THOC7: variants seen among roughly 807,000 people sequenced by gnomAD.
The protein encoded by THOC7 is NIF3L1-binding protein 1.
Under a neutral mutation model 33.1 loss-of-function variants are expected in THOC7, and 22 were observed. The observed-to-expected ratio is 0.66, with a 90% CI of 0.47 to 0.95. The LOEUF is 0.95. THOC7 is among the 40% of genes least tolerant of loss of function. The probability of loss-of-function intolerance (pLI) is 0.00; values close to 1 mark genes in which losing one functional copy is unlikely to be tolerated. For synonymous variants in THOC7, 77 were observed against 76.8 expected (o/e 1.00, Z -0.01); for missense variants, 184 against 245.3 (o/e 0.75, Z 1.67).
chr3:63,836,252 C>CA lies in THOC7; in HGVS notation c.410+48dup, dbSNP rs762095801. On this transcript the variant is annotated intron_variant, in intron 5 of 7. Coordinates refer to ENST00000295899, the MANE Select transcript of THOC7 (RefSeq NM_025075.4). ...TGAAATGCCTACGGTAGTTTTCGAG[C>CA]ATTTATGTATAAAGGTTAGTTCCTT... 7 of 1,559,782 alleles carry CA rather than the reference C, an allele frequency of 4.5e-6. No homozygotes were observed. In the South Asian group the frequency reaches 8.4e-5, roughly 19 times the overall value.
Position 63,861,999 on chromosome 3 carries a change from C to T in THOC7, c.19+1773G>A, listed in dbSNP as rs766987563. 1.2e-4 allele frequency among the ~76,000 whole-genome samples: 18 copies of T among 152,186 alleles called. No individual in the cohort carries two copies. In the South Asian group the frequency reaches 2.3e-3, roughly 19 times the overall value. On this transcript the variant is annotated intron_variant, in intron 1 of 7. Transcript: ENST00000295899. ...AGACATGGGGTCTCACTATGTTTTC[C>T]AGGCTGGTCTTGAACTTCTGAGCTC... is the stretch of plus-strand genomic sequence containing the variant.
At chr3:63,848,683 A>C (rs958025666) in intron 1 of THOC7, 1 of 152,196 alleles carries the variant, frequency 6.6e-6, no homozygotes, top group East Asian at 1.9e-4. Context: ...TGGGTTTGTA[A>C]AACTGCTAAC....
intron 1 of THOC7, among the ~76,000 whole-genome samples, chr3:63,847,222 G>A (rs1248294794): frequency 6.6e-6 from 1 of 152,170 alleles, no homozygotes. Flanking sequence ...AATCTGGTAT[G>A]TATTGGTATA....
chr3:63,845,194 C>T (rs1312697261), intron 1 of THOC7: 2 of 481,852 alleles, frequency 4.2e-6, no homozygotes, highest in Admixed American at 6.7e-5. Flanking sequence ...TTTAAGCTCG[C>T]TGATATCTTT....
chr3:63,840,704 A>G (rs1359567912), intron 1 of THOC7, among the ~76,000 whole-genome samples: 1 of 152,222 alleles, frequency 6.6e-6, no homozygotes, highest in East Asian at 1.9e-4. Flanking sequence ...CCTGGACAAA[A>G]TGATGCTGGA....
At chr3:63,860,869 G>A (rs1051842914) in intron 1 of THOC7, 1 of 152,150 alleles carries the variant, frequency 6.6e-6, no homozygotes. Context: ...AATATGGCTA[G>A]TAGGCAGAAG....
At chr3:63,853,971 T>A (rs892242971) in intron 1 of THOC7, among the ~76,000 whole-genome samples, 4 of 152,230 alleles carry the variant, frequency 2.6e-5, no homozygotes, top group Non-Finnish European at 5.9e-5. Context: ...GAGTAAATGT[T>A]GAAGATTTAT....
chr3:63,859,941 A>C (rs980012196), intron 1 of THOC7, among the ~76,000 whole-genome samples: 2 of 152,190 alleles, frequency 1.3e-5, no homozygotes, highest in African/African-American at 4.8e-5. Context: ...AGAGCTACCC[A>C]CTACCCACCT....
At position 63,839,761 on chromosome 3, in the gene THOC7, C is replaced by T. The variant is rs1701718940; in HGVS notation, c.32G>A (p.Arg11Gln). The T allele has an allele frequency of 1.2e-6, 2 of 1,613,152 alleles. No individual in the cohort carries two copies. Among genetic ancestry groups the T allele is most frequent in the Non-Finnish European group, 1.7e-6 (2 of 1,179,864 alleles). The change falls in exon 2 of 8, where the codon CGG becomes CAG. Residue 11 changes from arginine to glutamine, a missense_variant. This residue lies in a region of THOC7 where 157 missense variants were observed against 201.3 expected (regional missense o/e 0.78). Coordinates refer to ENST00000295899, the MANE Select transcript of THOC7 (RefSeq NM_025075.4). ...ATCTCCATCAATGAGGAGACGCTTC[C>T]GTATAACTTCGTCTGCAGGAAAGAA... MGAVTDDEVI[R>Q]KRLLIDGDGA... is the part of the protein sequence containing the mutation.
intron 5 of THOC7, 23 bp downstream of exon 5, chr3:63,836,278 T>C: frequency 1.2e-6 from 2 of 1,606,966 alleles, no homozygotes; most frequent in Non-Finnish European, 1.7e-6. Context: ...TTAGTTCCTT[T>C]CAAAGTAAAG....
chr3:63,837,867 T>C, intron 4 of THOC7, 109 bp downstream of exon 4: 1 of 899,858 alleles, frequency 1.1e-6, no homozygotes, highest in Non-Finnish European at 1.6e-6. Flanking sequence ...GGATTTTTTT[T>C]AATCCAGGTT....
In THOC7 at chr3:63,863,766, C is replaced by A; in HGVS notation, c.19+6G>T. 8.0e-7 allele frequency: 1 copy of A among 1,252,292 alleles called. No homozygotes were observed. Among genetic ancestry groups the A allele is most frequent in the Non-Finnish European group, 9.9e-7 (1 of 1,005,842 alleles). 77.6% of individuals were successfully genotyped at this position (1,252,292 alleles called of 1,614,324 possible). On this transcript the variant is annotated splice_donor_region_variant and intron_variant, in intron 1 of 7. Coordinates refer to ENST00000295899, the MANE Select transcript of THOC7 (RefSeq NM_025075.4). ...CGGGCGCGTGTGGCGGCGAGCGGGG[C>A]CTCACCGTCAGTCACGGCTCCCATG... is the stretch of plus-strand genomic sequence containing the variant.
chr3:63,842,500 A>G (rs1701787529), intron 1 of THOC7, among the ~76,000 whole-genome samples: 1 of 152,216 alleles, frequency 6.6e-6, no homozygotes, highest in Non-Finnish European at 1.5e-5. Context: ...TCTATACACC[A>G]TGGAATACTA....
chr3:63,846,250 G>A (rs1364679778), intron 1 of THOC7: 4 of 446,792 alleles, frequency 9.0e-6, no homozygotes, highest in South Asian at 1.6e-5. Context: ...TTCCTTATAA[G>A]AGAATCGTCT....
intron 1 of THOC7, among the ~76,000 whole-genome samples, chr3:63,847,747 C>CA (rs1388230010): frequency 2.0e-5 from 3 of 151,622 alleles, no homozygotes; most frequent in African/African-American, 4.8e-5. Context: ...AAAAAACAAA[C>CA]AAAAAAAACA....
chr3:63,838,485 T>TATATGCTGAGCTATATCTAATGTAGCCA lies in THOC7; in HGVS notation c.151_152insTGGCTACATTAGATATAGCTCAGCATAT (p.Gln51LeufsTer20). 1 of 1,602,816 alleles carries TATATGCTGAGCTATATCTAATGTAGCCA rather than the reference T, an allele frequency of 6.2e-7. No homozygotes were observed. The highest frequency in any genetic ancestry group is 8.5e-7 in the Non-Finnish European group (1 of 1,177,226). On this transcript the variant is annotated frameshift_variant, in exon 3 of 8. Coordinates refer to ENST00000295899, the MANE Select transcript of THOC7 (RefSeq NM_025075.4). LOFTEE classifies it high-confidence loss of function. ...TTGAGACAGCGTGCTCAGCATACGTTGGTACTGGCTATATCTAATGAAAAA... is the reference window on the plus strand; with the variant it reads ...TTGAGACAGCGTGCTCAGCATACGTTATATGCTGAGCTATATCTAATGTAGCCAGGTACTGGCTATATCTAATGAAAAA...
At chr3:63,862,545 A>C (rs1422775026) in intron 1 of THOC7, among the ~76,000 whole-genome samples, 1 of 152,156 alleles carries the variant, frequency 6.6e-6, no homozygotes, top group African/African-American at 2.4e-5. Flanking sequence ...AATAAATGAA[A>C]CTGGAATGAA....
chr3:63,838,718 G>T (rs954509490), intron 2 of THOC7, among the ~76,000 whole-genome samples: 5 of 151,688 alleles, frequency 3.3e-5, no homozygotes, highest in Non-Finnish European at 5.9e-5. Context: ...AGGTGGGATT[G>T]TTGTTCTTAT....
chr3:63,855,946 A>T (rs1019026499), intron 1 of THOC7, among the ~76,000 whole-genome samples: 1 of 152,256 alleles, frequency 6.6e-6, no homozygotes, highest in African/African-American at 2.4e-5. Context: ...CTAAGGCATT[A>T]CAGCAAGATA....
Sources: allele counts gnomAD v4.1 joint callset (sites outside exome capture counted in the v4.1 genomes callset), GRCh38; gene constraint gnomAD v4.1.1; regional missense constraint gnomAD v4.1.1; transcripts MANE v1.5; gene names NCBI Gene and HGNC (gene_info 2026-07-23, HGNC 2026-07-21).